Variants in TRIM2 observed in about 807,000 individuals in gnomAD.
TRIM2 encodes the protein tripartite motif-containing protein 2.
TRIM2 carries 20 observed loss-of-function variants against 75.2 expected under a neutral mutation model. That is an observed-to-expected ratio of 0.27 (90% confidence interval 0.19 to 0.39). The LOEUF (loss-of-function observed/expected upper bound fraction) is 0.39, where lower values mean the gene tolerates loss of function less well. Ranked by LOEUF, TRIM2 falls within the 10% of genes least tolerant of loss-of-function variation. TRIM2 has a pLI of 1.00. For missense variants in TRIM2, 660 were observed against 990.8 expected, an observed-to-expected ratio of 0.67 and a Z score of 4.48; for synonymous variants, 373 against 388.3, an observed-to-expected ratio of 0.96 and a Z score of 0.46.
chr4:153,325,806 C>G (rs1460329266), intron 10 of TRIM2, among the ~76,000 whole-genome samples: 1 of 152,212 alleles, frequency 6.6e-6, no homozygotes, highest in Non-Finnish European at 1.5e-5. Context: ...CAGAGCCTTT[C>G]CTGTCCAGTG....
chr4:153,268,045 T>C (rs1228967238), intron 1 of TRIM2, among the ~76,000 whole-genome samples: 2 of 152,136 alleles, frequency 1.3e-5, no homozygotes, highest in Non-Finnish European at 2.9e-5. Flanking sequence ...GGAGATGGAA[T>C]CATAGAGGAG....
At chr4:153,324,040 T>C (rs1391751661) in intron 9 of TRIM2, 38 bp from the exon 10 acceptor site, 16 of 1,528,384 alleles carry the variant, frequency 1.0e-5, no homozygotes, top group Non-Finnish European at 1.4e-5. Context: ...ATCACTTTTG[T>C]TGTAGTCATC....
chr4:153,278,314 A>C (rs1201027350), intron 3 of TRIM2, among the ~76,000 whole-genome samples: 4 of 152,152 alleles, frequency 2.6e-5, no homozygotes, highest in South Asian at 2.1e-4. Flanking sequence ...GGGTCTCACT[A>C]TGTTGCCAAG....
At chr4:153,198,285 A>C (rs895010338) in intron 1 of TRIM2, among the ~76,000 whole-genome samples, 2 of 152,146 alleles carry the variant, frequency 1.3e-5, no homozygotes, top group Non-Finnish European at 2.9e-5. Flanking sequence ...GAATTCCCGC[A>C]TGTTGTGGGA....
intron 1 of TRIM2, among the ~76,000 whole-genome samples, chr4:153,187,288 G>A (rs888967297): frequency 6.6e-6 from 1 of 152,132 alleles, no homozygotes; most frequent in Non-Finnish European, 1.5e-5. Context: ...ACAAAGCAAG[G>A]TAAGTCCACC....
chr4:153,204,232 A>G (rs1485931118), upstream of TRIM2, among the ~76,000 whole-genome samples: 2 of 152,276 alleles, frequency 1.3e-5, no homozygotes, highest in Middle Eastern at 6.8e-3. Flanking sequence ...CGCTTTTCCT[A>G]CTGGGGGCTG....
intron 1 of TRIM2, among the ~76,000 whole-genome samples, chr4:153,214,459 T>C (rs1008275392): frequency 6.6e-6 from 1 of 152,244 alleles, no homozygotes; most frequent in African/African-American, 2.4e-5. Flanking sequence ...ATCAGGTATC[T>C]GTAAAATTGC....
intron 6 of TRIM2, among the ~76,000 whole-genome samples, chr4:153,298,732 A>G (rs116056314): frequency 5.5e-4 from 84 of 152,170 alleles, no homozygotes; most frequent in African/African-American, 1.9e-3. Context: ...TGTATATAAT[A>G]TATTTCTTTT....
intron 11 of TRIM2, 124 bp from the exon 12 acceptor site, chr4:153,334,690 A>T: frequency 1.1e-6 from 1 of 913,268 alleles, no homozygotes; most frequent in Non-Finnish European, 1.6e-6. Flanking sequence ...TGGGTGTCAG[A>T]GTGAGACCCT....
intron 2 of TRIM2, among the ~76,000 whole-genome samples, chr4:153,272,066 T>TGCTACAGCA (rs1756820815): frequency 2.0e-5 from 3 of 152,238 alleles, no homozygotes; most frequent in Admixed American, 2.0e-4. Flanking sequence ...TGTGAGATTC[T>TGCTACAGCA]GCTACAGCAA....
intron 1 of TRIM2, among the ~76,000 whole-genome samples, chr4:153,236,262 G>T (rs2149819989): frequency 6.6e-6 from 1 of 152,148 alleles, no homozygotes; most frequent in East Asian, 1.9e-4. Flanking sequence ...GGAATGCATG[G>T]ATACAGTTAA....
At chr4:153,307,518 G>A (rs1765278063) in intron 6 of TRIM2, among the ~76,000 whole-genome samples, 2 of 152,096 alleles carry the variant, frequency 1.3e-5, no homozygotes, top group African/African-American at 2.4e-5. Context: ...TACACAGGAG[G>A]CAAAGTGTTT....
chr4:153,202,525 A>AAAAT (rs763740958), upstream of TRIM2, among the ~76,000 whole-genome samples: 23 of 151,598 alleles, frequency 1.5e-4, no homozygotes, highest in African/African-American at 4.1e-4. Context: ...ACTCTACTAA[A>AAAAT]AAATAAATAA....
intron 3 of TRIM2, among the ~76,000 whole-genome samples, chr4:153,278,578 C>T (rs1017364109): frequency 6.6e-5 from 10 of 152,082 alleles, no homozygotes; most frequent in Non-Finnish European, 1.0e-4. Flanking sequence ...GCAAGCCAAT[C>T]GCTTGAGCCC....
At chr4:153,266,419 T>C in intron 1 of TRIM2, among the ~76,000 whole-genome samples, 1 of 149,046 alleles carries the variant, frequency 6.7e-6, no homozygotes, top group Non-Finnish European at 1.5e-5. Flanking sequence ...CTCGGCTCAC[T>C]GCAACCTCTG....
At chr4:153,256,459 A>G (rs1422667088) in intron 1 of TRIM2, among the ~76,000 whole-genome samples, 1 of 152,232 alleles carries the variant, frequency 6.6e-6, no homozygotes, top group Non-Finnish European at 1.5e-5. Flanking sequence ...CTAATAACTA[A>G]CCAAGGAATA....
intron 1 of TRIM2, among the ~76,000 whole-genome samples, chr4:153,234,624 TTGTC>T (rs1744528372): frequency 6.6e-6 from 1 of 152,200 alleles, no homozygotes; most frequent in Non-Finnish European, 1.5e-5. Flanking sequence ...CTTAGAGTCA[TTGTC>T]TGTAAAATGA....
chr4:153,276,736 G>C (rs75007826), intron 3 of TRIM2, among the ~76,000 whole-genome samples: 33 of 152,156 alleles, frequency 2.2e-4, no homozygotes, highest in African/African-American at 7.5e-4. Context: ...TAGCGTCTAA[G>C]GACATTGGCT....
intron 1 of TRIM2, among the ~76,000 whole-genome samples, chr4:153,234,347 CTG>C (rs1400311595): frequency 6.6e-6 from 1 of 152,168 alleles, no homozygotes; most frequent in Non-Finnish European, 1.5e-5. Flanking sequence ...GATTCTCAAA[CTG>C]TGGGCTTCAT....
Sources: allele counts gnomAD v4.1 joint callset (sites outside exome capture counted in the v4.1 genomes callset), GRCh38; gene constraint gnomAD v4.1.1; transcripts MANE v1.5; gene names NCBI Gene and HGNC (gene_info 2026-07-23, HGNC 2026-07-21).